Variants in CHST11 observed in about 807,000 individuals in gnomAD.
CHST11 encodes the protein C4S-1.
Under a neutral mutation model 30.4 loss-of-function variants are expected in CHST11, and 9 were observed. The ratio of observed to expected loss-of-function variants is 0.30; its 90% confidence interval spans 0.18 to 0.52. CHST11 has a LOEUF of 0.52. Among genes scored for constraint, CHST11 ranks in the 20% least tolerant of loss-of-function variants. CHST11 has a pLI of 0.97. For synonymous variants in CHST11, 152 were observed against 187.8 expected (o/e 0.81, Z 1.56); for missense variants, 348 against 460.6 (o/e 0.76, Z 2.24).
rs1035816126 is a variant in CHST11 at position 104,586,981 on chromosome 12, C to T, written c.119-14925C>T. 9.2e-5 allele frequency among the ~76,000 whole-genome samples: 14 copies of T among 152,172 alleles called. 1 individual carries two copies. Among genetic ancestry groups the T allele is most frequent in the Non-Finnish European group, 5.9e-5 (4 of 68,026 alleles). ...TCTCAGCAATAAAGTTCTTCTACTACTGTGGGGGTTTTCAGGGACAATTTA... is the reference window on the plus strand; with the variant it reads ...TCTCAGCAATAAAGTTCTTCTACTATTGTGGGGGTTTTCAGGGACAATTTA... On this transcript the variant is annotated intron_variant, in intron 1 of 2. Transcript: ENST00000303694.
At chr12:104,682,799 A>G (rs1255504698) in intron 2 of CHST11, among the ~76,000 whole-genome samples, 3 of 152,258 alleles carry the variant, frequency 2.0e-5, no homozygotes, top group Non-Finnish European at 2.9e-5. Context: ...TCCCAGTGAC[A>G]GCAGCATAGC....
chr12:104,752,534 TTATG>T (rs368137410), intron 2 of CHST11, among the ~76,000 whole-genome samples: 3,560 of 122,864 alleles, frequency 0.029, 146 homozygotes, highest in African/African-American at 0.1. Context: ...ATTTATTTAT[TTATG>T]TATTTTTGAG....
intron 1 of CHST11, among the ~76,000 whole-genome samples, chr12:104,581,652 C>T (rs988896758): frequency 6.6e-6 from 1 of 152,098 alleles, no homozygotes; most frequent in African/African-American, 2.4e-5. Flanking sequence ...CTGCTGAAGA[C>T]CCACTACCTC....
chr12:104,631,946 T>C (rs1247023405), intron 2 of CHST11, among the ~76,000 whole-genome samples: 1 of 152,146 alleles, frequency 6.6e-6, no homozygotes, highest in African/African-American at 2.4e-5. Flanking sequence ...TACTCCGCTC[T>C]GATGAACCTG....
intron 2 of CHST11, among the ~76,000 whole-genome samples, chr12:104,679,600 G>A (rs923314122): frequency 6.6e-6 from 1 of 152,160 alleles, no homozygotes; most frequent in Non-Finnish European, 1.5e-5. Flanking sequence ...GGGGGGCCAG[G>A]CCTGTGTGGA....
chr12:104,744,184 G>A lies in CHST11; in HGVS notation c.205-12765G>A, dbSNP rs4964837. Among the ~76,000 whole-genome samples the A allele has an allele frequency of 2.8e-3, 428 of 152,304 alleles. 11 individuals carry two copies. Among genetic ancestry groups the A allele is most frequent in the Admixed American group, 0.023 (352 of 15,296 alleles). On this transcript the variant is annotated intron_variant, in intron 2 of 2. Transcript: ENST00000303694. ...TAGGTCTTTGAGGAATTGACACACTGTCTTCCACAATGGTTGAACTAATTT... is the reference window on the plus strand; with the variant it reads ...TAGGTCTTTGAGGAATTGACACACTATCTTCCACAATGGTTGAACTAATTT...
At chr12:104,506,013 A>G (rs1465533760) in intron 1 of CHST11, among the ~76,000 whole-genome samples, 1 of 152,244 alleles carries the variant, frequency 6.6e-6, no homozygotes, top group Non-Finnish European at 1.5e-5. Flanking sequence ...CAACTCCAAG[A>G]GAAACATTTT....
rs201178649 is a variant in CHST11 at position 104,457,575 on chromosome 12, T to G, written c.118+46T>G. 1,002 of 1,348,974 alleles carry G rather than the reference T, an allele frequency of 7.4e-4. 1 individual carries two copies. Among genetic ancestry groups the G allele is most frequent in the African/African-American group, 2.8e-3 (199 of 69,846 alleles). 83.6% of individuals were successfully genotyped at this position (1,348,974 alleles called of 1,614,324 possible). On this transcript the variant is annotated intron_variant, in intron 1 of 2. Coordinates refer to ENST00000303694, the MANE Select transcript of CHST11 (RefSeq NM_018413.6). ...GTTTTGTTGGATATTTTCTTCTCTC[T>G]CGCGCTCTAGCTCGCTCCGCCTGAT...
At chr12:104,462,629 C>G (rs2037420513) in intron 1 of CHST11, among the ~76,000 whole-genome samples, 1 of 152,036 alleles carries the variant, frequency 6.6e-6, no homozygotes, top group African/African-American at 2.4e-5. Flanking sequence ...AGGGGCTGTT[C>G]TTATGTTATA....
At chr12:104,503,849 A>G (rs2037876075) in intron 1 of CHST11, among the ~76,000 whole-genome samples, 1 of 152,208 alleles carries the variant, frequency 6.6e-6, no homozygotes, top group East Asian at 1.9e-4. Context: ...AGGGCTGTGA[A>G]TGAATGCATG....
chr12:104,705,392 C>T (rs948815314), intron 2 of CHST11, among the ~76,000 whole-genome samples: 8 of 151,966 alleles, frequency 5.3e-5, no homozygotes, highest in African/African-American at 1.9e-4. Context: ...GACCAGGGGT[C>T]GCAGGTATGT....
intron 2 of CHST11, among the ~76,000 whole-genome samples, chr12:104,702,486 G>A (rs994665166): frequency 4.0e-5 from 6 of 151,828 alleles, no homozygotes; most frequent in Admixed American, 3.3e-4. Context: ...TGGGACATGG[G>A]AGGACTGCAC....
At chr12:104,667,056 C>T (rs1295250126) in intron 2 of CHST11, among the ~76,000 whole-genome samples, 2 of 152,164 alleles carry the variant, frequency 1.3e-5, no homozygotes, top group Non-Finnish European at 2.9e-5. Flanking sequence ...CATAGTCATT[C>T]ATTTTCATTG....
intron 2 of CHST11, among the ~76,000 whole-genome samples, chr12:104,637,291 G>A (rs767657497): frequency 3.0e-5 from 3 of 99,966 alleles, no homozygotes; most frequent in Non-Finnish European, 5.6e-5. Context: ...GGCCATGGGA[G>A]TGAGACCCTG....
At chr12:104,596,793 G>A (rs1592785467) in intron 1 of CHST11, among the ~76,000 whole-genome samples, 1 of 152,182 alleles carries the variant, frequency 6.6e-6, no homozygotes, top group Non-Finnish European at 1.5e-5. Flanking sequence ...AGTTTATTTT[G>A]TGAGATATGA....
intron 2 of CHST11, among the ~76,000 whole-genome samples, chr12:104,716,684 C>T (rs1022240737): frequency 6.6e-6 from 1 of 152,182 alleles, no homozygotes; most frequent in Non-Finnish European, 1.5e-5. Context: ...TGATCGCTCC[C>T]AACGTGCCTG....
At chr12:104,633,641 T>C (rs966290774) in intron 2 of CHST11, among the ~76,000 whole-genome samples, 4 of 152,050 alleles carry the variant, frequency 2.6e-5, no homozygotes, top group Admixed American at 6.5e-5. Context: ...GGTCTTGAAC[T>C]CCTGACCAGG....
intron 1 of CHST11, among the ~76,000 whole-genome samples, chr12:104,505,472 T>G (rs2037896324): frequency 6.6e-6 from 1 of 151,908 alleles, no homozygotes; most frequent in Admixed American, 6.6e-5. Context: ...GGCCTGAGAG[T>G]CTGTATTTCT....
intron 1 of CHST11, among the ~76,000 whole-genome samples, chr12:104,554,990 A>G (rs1166868762): frequency 6.6e-6 from 1 of 152,210 alleles, no homozygotes; most frequent in African/African-American, 2.4e-5. Flanking sequence ...CGAGCTTGTG[A>G]TCTCAACTAT....
Sources: allele counts gnomAD v4.1 joint callset (sites outside exome capture counted in the v4.1 genomes callset), GRCh38; gene constraint gnomAD v4.1.1; transcripts MANE v1.5; gene names NCBI Gene and HGNC (gene_info 2026-07-23, HGNC 2026-07-21).